NPIPB2: variants seen among roughly 807,000 people sequenced by gnomAD.
The protein encoded by NPIPB2 is nuclear pore complex interacting protein family member B2.
In NPIPB2, 27 loss-of-function variants were observed where a neutral mutation model predicts 30.8. The ratio of observed to expected loss-of-function variants is 0.88; its 90% CI spans 0.65 to 1.21. The LOEUF (loss-of-function observed/expected upper bound fraction) is 1.21. NPIPB2 is among the 50% of genes most tolerant of loss of function. NPIPB2 has a pLI of 0.00. For synonymous variants in NPIPB2, 147 were observed against 162.0 expected (o/e 0.91, Z 0.70); for missense variants, 440 against 446.2 (o/e 0.99, Z 0.13).
At chr16:11,939,559 C>CAAA (rs1186690178) in intron 1 of NPIPB2, among the ~76,000 whole-genome samples, 2 of 29,066 alleles carry the variant, frequency 6.9e-5, no homozygotes, top group African/African-American at 2.3e-4. Flanking sequence ...GACTCTGTCT[C>CAAA]AAAAAAAAAA....
At chr16:11,965,590 G>T (rs1173970240) in intron 1 of NPIPB2, 1 of 894,686 alleles carries the variant, frequency 1.1e-6, no homozygotes, top group Non-Finnish European at 1.7e-6. Context: ...GCAAGGCAGT[G>T]ATTTTAATGT....
intron 4 of NPIPB2, among the ~76,000 whole-genome samples, chr16:11,933,101 A>C (rs2150909528): frequency 6.6e-6 from 1 of 151,942 alleles, no homozygotes; most frequent in East Asian, 1.9e-4. Flanking sequence ...TCTCTAGTAA[A>C]AATACAAAAA....
chr16:11,948,213 A>T (rs938052336), intron 1 of NPIPB2, among the ~76,000 whole-genome samples: 1 of 151,804 alleles, frequency 6.6e-6, no homozygotes, highest in Non-Finnish European at 1.5e-5. Context: ...GGGAAGTTCC[A>T]GGTGAACTGG....
chr16:11,951,755 C>T (rs1056880738), intron 1 of NPIPB2, among the ~76,000 whole-genome samples: 1 of 151,824 alleles, frequency 6.6e-6, no homozygotes, highest in African/African-American at 2.4e-5. Context: ...AGGCCAGGTG[C>T]GGTGGCTCAC....
At chr16:11,959,466 C>T (rs1053920481) in intron 1 of NPIPB2, among the ~76,000 whole-genome samples, 1 of 151,824 alleles carries the variant, frequency 6.6e-6, no homozygotes, top group African/African-American at 2.4e-5. Flanking sequence ...GGCGTACTAT[C>T]GTAGTCCTAG....
rs1475471212 is a variant in NPIPB2 at position 11,961,554 on chromosome 16, C to T, written c.-584+15014G>A. ...TAGCACTTTGGGAGGCCGAGGCGGG[C>T]GAATCACTTGAGGTCAGGAGTTCGA... On this transcript the variant is annotated intron_variant, in intron 1 of 5. Transcript: ENST00000538896. 2.6e-5 allele frequency among the ~76,000 whole-genome samples: 4 copies of T among 151,616 alleles called. No homozygotes were observed. In the East Asian group the frequency reaches 5.8e-4, roughly 22 times the overall value.
chr16:11,967,835 T>C, intron 1 of NPIPB2: 1 of 1,613,614 alleles, frequency 6.2e-7, no homozygotes, highest in Non-Finnish European at 8.5e-7. Flanking sequence ...AGAAATCAAT[T>C]TCTGCTAGGT....
intron 1 of NPIPB2, among the ~76,000 whole-genome samples, chr16:11,956,729 C>G (rs1348281094): frequency 1.3e-5 from 2 of 152,196 alleles, no homozygotes; most frequent in African/African-American, 4.8e-5. Flanking sequence ...AGGAGGAACA[C>G]TGACTGAGAA....
At chr16:11,947,877 T>A (rs1596498941) in intron 1 of NPIPB2, among the ~76,000 whole-genome samples, 1 of 151,046 alleles carries the variant, frequency 6.6e-6, no homozygotes, top group African/African-American at 2.4e-5. Flanking sequence ...CTAGCATCAG[T>A]GCCCGTGAAG....
chr16:11,963,172 G>A (rs750880531), intron 1 of NPIPB2, among the ~76,000 whole-genome samples: 2 of 152,136 alleles, frequency 1.3e-5, no homozygotes, highest in Non-Finnish European at 2.9e-5. Flanking sequence ...CTGAGGTCAG[G>A]AGTTCGAAAC....
chr16:11,975,142 T>TTTTC (rs1491424798), intron 1 of NPIPB2, among the ~76,000 whole-genome samples: 398 of 2,926 alleles, frequency 0.14, 15 homozygotes, highest in African/African-American at 0.19. Context: ...ATCCATCACC[T>TTTTC]TTTTTTTTTT....
chr16:11,932,521 T>C (rs181350079), intron 4 of NPIPB2, among the ~76,000 whole-genome samples: 47 of 151,926 alleles, frequency 3.1e-4, no homozygotes, highest in Non-Finnish European at 4.6e-4. Context: ...CTCATGCCTG[T>C]AATCTCAGCA....
intron 1 of NPIPB2, among the ~76,000 whole-genome samples, chr16:11,973,786 G>A (rs533629227): frequency 1.1e-4 from 17 of 152,056 alleles, no homozygotes; most frequent in Middle Eastern, 6.8e-3. Context: ...GTGAGCCACC[G>A]CACCCAGCCA....
At chr16:11,971,433 A>T (rs2055234832) in intron 1 of NPIPB2, among the ~76,000 whole-genome samples, 1 of 103,368 alleles carries the variant, frequency 9.7e-6, no homozygotes, top group Non-Finnish European at 1.8e-5. Context: ...AGAAGCAGGT[A>T]TGGGGGAGTG....
chr16:11,947,181 T>C (rs1283852542), intron 1 of NPIPB2, among the ~76,000 whole-genome samples: 1 of 147,698 alleles, frequency 6.8e-6, no homozygotes, highest in Non-Finnish European at 1.5e-5. Flanking sequence ...CTCAAACTCC[T>C]GGGCTCAGGA....
At chr16:11,971,020 A>G (rs1287547419) in intron 1 of NPIPB2, among the ~76,000 whole-genome samples, 1 of 150,776 alleles carries the variant, frequency 6.6e-6, no homozygotes, top group Admixed American at 6.7e-5. Flanking sequence ...TTCTCGGCTA[A>G]TTTTTTTTAT....
At chr16:11,975,328 TA>T (rs960845422) in intron 1 of NPIPB2, among the ~76,000 whole-genome samples, 5 of 144,836 alleles carry the variant, frequency 3.5e-5, no homozygotes, top group African/African-American at 1.3e-4. Context: ...TTTGTATTTT[TA>T]GTAGAGACGG....
Position 11,952,055 on chromosome 16 carries a change from A to C in NPIPB2, c.-583-9941T>G, listed in dbSNP as rs377189409. ...GCGCCTGTAGTCCCAGCTACTTGGGAGGCTGAGGCAGGAGAATGGCGTGAA... is the reference window on the plus strand; with the variant it reads ...GCGCCTGTAGTCCCAGCTACTTGGGCGGCTGAGGCAGGAGAATGGCGTGAA... On this transcript the variant is annotated intron_variant, in intron 1 of 5. Transcript: ENST00000538896. Among the ~76,000 whole-genome samples, 35 of 150,456 alleles carry C rather than the reference A, an allele frequency of 2.3e-4. No individual in the cohort carries two copies. The East Asian group carries it at 6.4e-3, about 28-fold the overall frequency.
At position 11,937,522 on chromosome 16, in the gene NPIPB2, G is replaced by A. The variant is rs62040807; in HGVS notation, c.192+18C>T. On this transcript the variant is annotated intron_variant, in intron 2 of 7. Transcript: ENST00000399147. ...TTGTGATTACAAGTATACCTCTACAGAAAGTTAGTACACTCACCCAAAGGT... is the reference window on the plus strand; with the variant it reads ...TTGTGATTACAAGTATACCTCTACAAAAAGTTAGTACACTCACCCAAAGGT... 0.13 allele frequency: 178,511 copies of A among 1,422,910 alleles called. 12,488 individuals are homozygous for A. Among genetic ancestry groups the A allele is most frequent in the South Asian group, 0.2 (17,480 of 85,924 alleles). The allele number at this position is 1,422,910 out of a possible 1,614,324, so 88.1% of individuals were successfully genotyped here. A position where few individuals can be genotyped will look rare whatever the true frequency, so the allele number is the denominator to read the frequency against.
Sources: allele counts gnomAD v4.1 joint callset (sites outside exome capture counted in the v4.1 genomes callset), GRCh38; gene constraint gnomAD v4.1.1; transcripts MANE v1.5; gene names NCBI Gene and HGNC (gene_info 2026-07-23, HGNC 2026-07-21).